The following ASAP1 variants were observed in gnomAD, a reference collection of about 807,000 sequenced individuals.
The protein encoded by ASAP1 is ArfGAP with SH3 domain, ankyrin repeat and PH domain 1.
ASAP1 carries 43 observed loss-of-function variants against 145.2 expected under a neutral mutation model. The ratio of observed to expected loss-of-function variants is 0.30; its 90% CI spans 0.23 to 0.38. The LOEUF (loss-of-function observed/expected upper bound fraction) is 0.38. Among genes scored for constraint, ASAP1 ranks in the 10% least tolerant of loss-of-function variants. The pLI is 1.00. For missense variants in ASAP1, 1,018 were observed against 1,355.3 expected (o/e 0.75, Z 3.91); for synonymous variants, 546 against 515.5 (o/e 1.06, Z -0.80).
chr8:130,317,797 A>C (rs896214230), intron 3 of ASAP1, among the ~76,000 whole-genome samples: 15 of 152,212 alleles, frequency 9.9e-5, no homozygotes, highest in African/African-American at 3.6e-4. Context: ...TTGTGGCTGA[A>C]GTGATGAACA....
intron 24 of ASAP1, 68 bp from the exon 25 acceptor site, chr8:130,092,211 G>A: frequency 6.7e-7 from 1 of 1,485,550 alleles, no homozygotes; most frequent in Non-Finnish European, 9.0e-7. Flanking sequence ...CAGCCAGTAT[G>A]AAATCACTTC....
At chr8:130,244,826 A>G (rs1818749083) in intron 3 of ASAP1, among the ~76,000 whole-genome samples, 1 of 152,132 alleles carries the variant, frequency 6.6e-6, no homozygotes, top group Non-Finnish European at 1.5e-5. Context: ...GCAATCCTGG[A>G]GGAGAAGACG....
intron 4 of ASAP1, among the ~76,000 whole-genome samples, chr8:130,226,076 C>T (rs72722393): frequency 0.035 from 5,227 of 149,402 alleles, 123 homozygotes; most frequent in Middle Eastern, 0.065. Context: ...TGGGGCCCTA[C>T]TATGCTGCCC....
intron 2 of ASAP1, among the ~76,000 whole-genome samples, chr8:130,363,201 G>A (rs1826797169): frequency 6.6e-6 from 1 of 152,112 alleles, no homozygotes; most frequent in Non-Finnish European, 1.5e-5. Flanking sequence ...GATATTATGG[G>A]AACTTTGAAA....
At chr8:130,081,398 C>A (rs962656508) in intron 25 of ASAP1, among the ~76,000 whole-genome samples, 1 of 152,182 alleles carries the variant, frequency 6.6e-6, no homozygotes, top group Admixed American at 6.5e-5. Context: ...TGCATGGGCA[C>A]CCTGTCTCTG....
chr8:130,410,027 G>C (rs1239022820), intron 1 of ASAP1, among the ~76,000 whole-genome samples: 2 of 152,192 alleles, frequency 1.3e-5, no homozygotes, highest in Non-Finnish European at 2.9e-5. Context: ...CAATGTCATA[G>C]GACCTGCCTT....
intron 2 of ASAP1, among the ~76,000 whole-genome samples, chr8:130,367,783 C>A (rs1306909333): frequency 2.0e-5 from 3 of 152,174 alleles, no homozygotes; most frequent in Non-Finnish European, 4.4e-5. Context: ...GGTTGGGGCC[C>A]CCGTTAAAGA....
chr8:130,260,668 A>G (rs1263857357), intron 3 of ASAP1, among the ~76,000 whole-genome samples: 1 of 152,068 alleles, frequency 6.6e-6, no homozygotes, highest in Non-Finnish European at 1.5e-5. Context: ...TAAGTCCCTC[A>G]GCTCAGATAC....
chr8:130,172,992 C>G (rs1198650915), intron 9 of ASAP1, among the ~76,000 whole-genome samples: 1 of 152,198 alleles, frequency 6.6e-6, no homozygotes, highest in Non-Finnish European at 1.5e-5. Flanking sequence ...ATACATGAAT[C>G]TAGTAATCAT....
intron 2 of ASAP1, among the ~76,000 whole-genome samples, chr8:130,359,267 C>T (rs1425044737): frequency 6.6e-6 from 1 of 151,998 alleles, no homozygotes; most frequent in Non-Finnish European, 1.5e-5. Flanking sequence ...AAGGCATTGC[C>T]CGAGCTGCAA....
At chr8:130,156,862 C>T (rs568024759) in intron 12 of ASAP1, among the ~76,000 whole-genome samples, 21 of 152,198 alleles carry the variant, frequency 1.4e-4, no homozygotes, top group Non-Finnish European at 2.6e-4. Context: ...AACTATGCAA[C>T]ACTTAAGAAA....
chr8:130,375,849 T>G (rs1049027907), intron 2 of ASAP1, among the ~76,000 whole-genome samples: 1 of 152,242 alleles, frequency 6.6e-6, no homozygotes, highest in African/African-American at 2.4e-5. Context: ...GACTGTTTTC[T>G]ACATCAGCTG....
chr8:130,296,824 T>A (rs767001763), intron 3 of ASAP1, among the ~76,000 whole-genome samples: 4 of 152,176 alleles, frequency 2.6e-5, no homozygotes, highest in Admixed American at 6.5e-5. Flanking sequence ...ATATTTTCTA[T>A]CTCTTTCTCT....
chr8:130,239,462 C>G (rs536103889), intron 3 of ASAP1, among the ~76,000 whole-genome samples: 1 of 152,040 alleles, frequency 6.6e-6, no homozygotes, highest in Non-Finnish European at 1.5e-5. Flanking sequence ...GGAATTTGAA[C>G]CCAGGTCTTT....
At chr8:130,299,895 G>A (rs544543248) in intron 3 of ASAP1, among the ~76,000 whole-genome samples, 1 of 152,092 alleles carries the variant, frequency 6.6e-6, no homozygotes, top group African/African-American at 2.4e-5. Flanking sequence ...ATAAATAGAT[G>A]AGGTGGCTAT....
intron 11 of ASAP1, chr8:130,167,300 A>T (rs1368711776): frequency 1.9e-6 from 1 of 521,442 alleles, no homozygotes; most frequent in Non-Finnish European, 3.3e-6. Context: ...TGTCTCAAAA[A>T]AGTAAAGAAA....
chr8:130,416,314 A>T (rs1253338272), intron 1 of ASAP1, among the ~76,000 whole-genome samples: 1 of 152,226 alleles, frequency 6.6e-6, no homozygotes, highest in African/African-American at 2.4e-5. Flanking sequence ...TCCTCTCCAG[A>T]GAAAACTTCA....
chr8:130,159,771 T>A, intron 12 of ASAP1, 93 bp downstream of exon 12: 1 of 954,704 alleles, frequency 1.0e-6, no homozygotes, highest in South Asian at 1.4e-5. Flanking sequence ...GCTAGTGTAT[T>A]ATAAAATTTT....
chr8:130,204,730 T>C (rs1056580355), intron 5 of ASAP1, among the ~76,000 whole-genome samples: 7 of 152,186 alleles, frequency 4.6e-5, no homozygotes, highest in Non-Finnish European at 1.0e-4. Flanking sequence ...AGTCTCTGAG[T>C]TGCTGTTGCT....
Sources: gnomAD v4.1 joint callset for allele counts (sites outside exome capture counted in the v4.1 genomes callset) on GRCh38, gnomAD v4.1.1 for gene constraint, MANE v1.5 for transcripts, NCBI Gene and HGNC (gene_info 2026-07-23, HGNC 2026-07-21) for gene names.